CNKSR3: variants seen among roughly 807,000 people sequenced by gnomAD.
CNKSR3 encodes CNKSR family member 3.
A neutral mutation model predicts 67.7 loss-of-function variants in CNKSR3; 36 were observed. That is an observed-to-expected ratio of 0.53 (90% CI 0.41 to 0.70). The LOEUF is 0.70. Ranked by LOEUF, CNKSR3 falls within the 30% of genes least tolerant of loss-of-function variation. CNKSR3 has a pLI of 0.00. For missense variants in CNKSR3, 630 were observed against 695.2 expected (o/e 0.91, Z 1.05); for synonymous variants, 281 against 271.4 (o/e 1.04, Z -0.35).
chr6:154,472,006 C>G (rs2114628216), intron 1 of CNKSR3, among the ~76,000 whole-genome samples: 1 of 152,326 alleles, frequency 6.6e-6, no homozygotes, highest in South Asian at 2.1e-4. Flanking sequence ...CTGCAAGCAC[C>G]TGGCTTTTCA....
chr6:154,463,309 G>T lies in CNKSR3; in HGVS notation c.53-13051C>A, dbSNP rs9479868. ...TGGTCTTGAGATATCTCCTGACCTT[G>T]TGATCGGCCCGCCTCGGCCTCCCAA... On this transcript the variant is annotated intron_variant, in intron 1 of 12. Coordinates refer to ENST00000607772, the MANE Select transcript of CNKSR3 (RefSeq NM_173515.4). Among the ~76,000 whole-genome samples the T allele has an allele frequency of 2.9e-3, 434 of 152,196 alleles. 2 individuals carry two copies. Among genetic ancestry groups the T allele is most frequent in the African/African-American group, 9.8e-3 (409 of 41,530 alleles).
intron 9 of CNKSR3, among the ~76,000 whole-genome samples, chr6:154,415,227 CA>C (rs796078545): frequency 4.4e-5 from 5 of 112,768 alleles, no homozygotes; most frequent in East Asian, 3.6e-4. Context: ...ACTAGCTGCC[CA>C]TTTTTTTTTT....
intron 1 of CNKSR3, among the ~76,000 whole-genome samples, chr6:154,456,324 TG>T (rs1322801743): frequency 9.2e-5 from 14 of 152,060 alleles, no homozygotes; most frequent in Non-Finnish European, 1.9e-4. Flanking sequence ...TGTTTTGTTT[TG>T]TTTTTTTAAT....
intron 3 of CNKSR3, among the ~76,000 whole-genome samples, chr6:154,441,840 A>G (rs1406615419): frequency 6.6e-6 from 1 of 152,188 alleles, no homozygotes; most frequent in African/African-American, 2.4e-5. Flanking sequence ...GTTTAATCTC[A>G]GTAAAACACA....
At chr6:154,439,224 T>C (rs538088935) in intron 4 of CNKSR3, among the ~76,000 whole-genome samples, 13 of 152,312 alleles carry the variant, frequency 8.5e-5, no homozygotes, top group African/African-American at 2.4e-4. Flanking sequence ...ATCTATCCAT[T>C]TTCTCTCCAG....
chr6:154,479,691 A>C lies in CNKSR3; in HGVS notation c.53-29433T>G, dbSNP rs142627609. ...CAGAACGAAAATTATGGACGTCTCT[A>C]TTGGGAAATGTTTGTGCTTACATAT... On this transcript the variant is annotated intron_variant, in intron 1 of 12. Transcript: ENST00000607772. Among the ~76,000 whole-genome samples the C allele has an allele frequency of 2.4e-4, 37 of 152,346 alleles. No individual in the cohort carries two copies. In the South Asian group the frequency reaches 3.7e-3, roughly 15 times the overall value.
chr6:154,422,220 C>A (rs1156339481), intron 9 of CNKSR3, among the ~76,000 whole-genome samples: 2 of 152,012 alleles, frequency 1.3e-5, no homozygotes, highest in Admixed American at 6.5e-5. Context: ...TCTCGATCTC[C>A]TGACCTCGTG....
intron 1 of CNKSR3, among the ~76,000 whole-genome samples, chr6:154,484,704 A>C (rs1442181199): frequency 6.6e-6 from 1 of 151,196 alleles, no homozygotes; most frequent in Non-Finnish European, 1.5e-5. Flanking sequence ...TCAAAAAAAA[A>C]AAAAAAAAAA....
chr6:154,485,991 G>A (rs115483675), intron 1 of CNKSR3, among the ~76,000 whole-genome samples: 2,335 of 152,200 alleles, frequency 0.015, 38 homozygotes, highest in African/African-American at 0.044. Context: ...ACTACATCGT[G>A]GACACACCCA....
Position 154,404,055 on chromosome 6 carries a change from A to G in CNKSR3, c.*2299T>C, listed in dbSNP as rs747738699. 6.6e-6 allele frequency: 1 copy of G among 151,936 alleles called. No homozygotes were observed. The highest frequency in any genetic ancestry group is 1.5e-5 in the Non-Finnish European group (1 of 68,046). 9.4% of individuals were successfully genotyped at this position (151,936 alleles called of 1,614,324 possible). On this transcript the variant is annotated 3_prime_UTR_variant, in exon 13 of 13. Transcript: ENST00000607772. ...CCTCGTACACAGCTCCCTCCTCATC[A>G]CCAGTGCCCTACACGAGACCTCCCC...
At chr6:154,468,459 C>T (rs1045217236) in intron 1 of CNKSR3, among the ~76,000 whole-genome samples, 10 of 150,346 alleles carry the variant, frequency 6.7e-5, no homozygotes, top group East Asian at 2.0e-4. Context: ...TAAAAAAGTC[C>T]ACCTTTGTAT....
chr6:154,469,511 A>C (rs1367870272), intron 1 of CNKSR3, among the ~76,000 whole-genome samples: 2 of 152,168 alleles, frequency 1.3e-5, no homozygotes, highest in African/African-American at 4.8e-5. Context: ...CATCAGGAAA[A>C]GCACCATCCT....
rs1175522353 is a variant in CNKSR3 at position 154,396,987 on chromosome 6, T to C, written c.*9367A>G. 6.6e-6 allele frequency: 1 copy of C among 151,214 alleles called. No individual in the cohort carries two copies. The highest frequency in any genetic ancestry group is 1.5e-5 in the Non-Finnish European group (1 of 67,932). The allele number at this position is 151,214 out of a possible 1,614,324, so 9.4% of individuals were successfully genotyped here. On this transcript the variant is annotated 3_prime_UTR_variant, in exon 13 of 13. Coordinates refer to ENST00000607772, the MANE Select transcript of CNKSR3 (RefSeq NM_173515.4). ...GCTAATTTTTTTTTTTTTATATTTT[T>C]AGTAGAGACGGGGTTTCACCGTGTT... is the stretch of plus-strand genomic sequence containing the variant.
At chr6:154,495,714 A>G (rs1025866932) in intron 1 of CNKSR3, among the ~76,000 whole-genome samples, 2 of 152,018 alleles carry the variant, frequency 1.3e-5, no homozygotes, top group African/African-American at 4.8e-5. Context: ...TAAGTCACTG[A>G]GGCACAAAAC....
At chr6:154,493,494 T>C (rs1786820655) in intron 1 of CNKSR3, among the ~76,000 whole-genome samples, 1 of 152,214 alleles carries the variant, frequency 6.6e-6, no homozygotes, top group South Asian at 2.1e-4. Flanking sequence ...GCACAGTGAA[T>C]AGCAACCTTC....
chr6:154,408,231 G>A (rs1784842638), intron 12 of CNKSR3, among the ~76,000 whole-genome samples: 1 of 152,048 alleles, frequency 6.6e-6, no homozygotes, highest in African/African-American at 2.4e-5. Context: ...CACCATGTTG[G>A]CCAGGCTGGT....
rs1784692224 is a variant in CNKSR3, at chr6:154,399,285, G to A, written c.*7069C>T. 2 of 152,198 alleles carry A rather than the reference G, an allele frequency of 1.3e-5. No homozygotes were observed. Among genetic ancestry groups the A allele is most frequent in the Admixed American group, 1.3e-4 (2 of 15,274 alleles). The allele number at this position is 152,198 out of a possible 1,614,324, so 9.4% of individuals were successfully genotyped here. A position where few individuals can be genotyped will look rare whatever the true frequency, so the allele number is the denominator to read the frequency against. On this transcript the variant is annotated 3_prime_UTR_variant, in exon 13 of 13. Transcript: ENST00000607772. ...GAGCAATTTCCTGTTGGCCAGCTCTGAATACCTTATTCACTAGAGGCTGAG... is the reference window on the plus strand; with the variant it reads ...GAGCAATTTCCTGTTGGCCAGCTCTAAATACCTTATTCACTAGAGGCTGAG...
chr6:154,492,931 C>T (rs1226155327), intron 1 of CNKSR3, among the ~76,000 whole-genome samples: 6 of 152,142 alleles, frequency 3.9e-5, no homozygotes, highest in Non-Finnish European at 8.8e-5. Flanking sequence ...ATACCCGGAA[C>T]CTGGCCACCT....
intron 12 of CNKSR3, 65 bp downstream of exon 12, chr6:154,410,277 GA>G: frequency 8.7e-7 from 1 of 1,147,854 alleles, no homozygotes; most frequent in Non-Finnish European, 1.3e-6. Context: ...AAACAGAGGT[GA>G]AACCAGGCCC....
Sources: allele counts gnomAD v4.1 joint callset (sites outside exome capture counted in the v4.1 genomes callset), GRCh38; gene constraint gnomAD v4.1.1; transcripts MANE v1.5; gene names NCBI Gene and HGNC (gene_info 2026-07-23, HGNC 2026-07-21).